Variants in SH3GL2 observed in about 807,000 individuals in gnomAD.
SH3GL2 encodes the protein SH3 domain containing GRB2 like 2, endophilin A1, also known as endophilin-A1.
Under a neutral mutation model 46.0 loss-of-function variants are expected in SH3GL2, and 24 were observed. That is an observed-to-expected ratio of 0.52 (90% CI 0.38 to 0.73). The LOEUF (loss-of-function observed/expected upper bound fraction) is 0.73, where lower values mean the gene tolerates loss of function less well. Ranked by LOEUF, SH3GL2 falls within the 30% of genes least tolerant of loss-of-function variation. The probability of loss-of-function intolerance (pLI) is 0.00; values close to 1 mark genes in which losing one functional copy is unlikely to be tolerated. For synonymous variants in SH3GL2, 196 were observed against 147.1 expected, an observed-to-expected ratio of 1.33 and a Z score of -2.40; for missense variants, 413 against 424.2, an observed-to-expected ratio of 0.97 and a Z score of 0.23.
intron 3 of SH3GL2, among the ~76,000 whole-genome samples, chr9:17,766,210 A>C (rs911853091): frequency 1.3e-5 from 2 of 152,224 alleles, no homozygotes; most frequent in African/African-American, 4.8e-5. Flanking sequence ...TGAGATGTGG[A>C]AGTGTGAGCG....
At chr9:17,587,855 A>T (rs1008180082) in intron 1 of SH3GL2, among the ~76,000 whole-genome samples, 1 of 152,096 alleles carries the variant, frequency 6.6e-6, no homozygotes, top group African/African-American at 2.4e-5. Flanking sequence ...ACTGCACTCC[A>T]GCCTGAGCAG....
At chr9:17,770,029 A>G (rs9406705) in intron 3 of SH3GL2, among the ~76,000 whole-genome samples, 4,199 of 152,234 alleles carry the variant, frequency 0.028, 196 homozygotes, top group African/African-American at 0.097. Flanking sequence ...TGTGAAGCAT[A>G]CATAAGCTCC....
chr9:17,786,351 T>C (rs1823956915), intron 3 of SH3GL2, 30 bp from the exon 4 acceptor site: 1 of 1,592,660 alleles, frequency 6.3e-7, no homozygotes. Context: ...CATTGCCTAC[T>C]CTGAAAGCTT....
intron 1 of SH3GL2, among the ~76,000 whole-genome samples, chr9:17,723,607 G>A (rs116352143): frequency 1.2e-3 from 185 of 152,136 alleles, no homozygotes; most frequent in African/African-American, 4.0e-3. Context: ...TGGAAAGGTC[G>A]GTTTCAGATA....
intron 1 of SH3GL2, among the ~76,000 whole-genome samples, chr9:17,720,272 T>C (rs962441726): frequency 1.3e-5 from 2 of 152,144 alleles, no homozygotes; most frequent in African/African-American, 4.8e-5. Context: ...GTTACTTTTC[T>C]AACATGCTTT....
rs1425060619 is a variant in SH3GL2 at position 17,645,973 on chromosome 9, A to T, written c.45+66686A>T. ...GTAATATCCTGAAATATGTCTTCCAACTTGGTTCCGTTTTCCCCATCACTT... is the reference window on the plus strand; with the variant it reads ...GTAATATCCTGAAATATGTCTTCCATCTTGGTTCCGTTTTCCCCATCACTT... On this transcript the variant is annotated intron_variant, in intron 1 of 8. Transcript: ENST00000380607. Among the ~76,000 whole-genome samples, 3 of 152,078 alleles carry T rather than the reference A, an allele frequency of 2.0e-5. No homozygotes were observed. The South Asian group carries it at 6.2e-4, about 31-fold the overall frequency.
intron 1 of SH3GL2, among the ~76,000 whole-genome samples, chr9:17,674,603 T>A (rs1820561749): frequency 6.6e-6 from 1 of 152,188 alleles, no homozygotes; most frequent in South Asian, 2.1e-4. Context: ...TGGAAAATCA[T>A]GGGCTCATGA....
At chr9:17,760,068 A>G (rs1823123530) in intron 2 of SH3GL2, among the ~76,000 whole-genome samples, 1 of 152,184 alleles carries the variant, frequency 6.6e-6, no homozygotes, top group African/African-American at 2.4e-5. Context: ...TGTGTACTGC[A>G]CAACTCCAGG....
intron 1 of SH3GL2, among the ~76,000 whole-genome samples, chr9:17,627,301 A>C (rs1819305381): frequency 6.6e-6 from 1 of 152,174 alleles, no homozygotes; most frequent in African/African-American, 2.4e-5. Context: ...CCTACAGCTC[A>C]TCTTCCTATG....
intron 1 of SH3GL2, among the ~76,000 whole-genome samples, chr9:17,739,883 C>T (rs1009041685): frequency 6.6e-6 from 1 of 152,034 alleles, no homozygotes; most frequent in South Asian, 2.1e-4. Context: ...CCCAGTGAAC[C>T]ACACCAGAAA....
In SH3GL2 at chr9:17,786,652, C is replaced by T. The variant is rs1029961189; in HGVS notation, c.331+128C>T. 4.7e-5 allele frequency: 40 copies of T among 845,486 alleles called. 1 individual carries two copies. The East Asian group carries it at 7.7e-4, about 16-fold the overall frequency. The allele number at this position is 845,486 out of a possible 1,614,324, so 52.4% of individuals were successfully genotyped here. A position where few individuals can be genotyped will look rare whatever the true frequency, so the allele number is the denominator to read the frequency against. ...GGTTTTCAGTTTTAGATCCTACACA[C>T]ATGGGCCAAAAATTTGTTTTCAGAA... On this transcript the variant is annotated intron_variant, in intron 4 of 8. Transcript: ENST00000380607.
chr9:17,680,211 C>T (rs1286919391), intron 1 of SH3GL2, among the ~76,000 whole-genome samples: 3 of 152,116 alleles, frequency 2.0e-5, no homozygotes, highest in African/African-American at 4.8e-5. Flanking sequence ...ATGGTACCAG[C>T]TCCTCTTTGT....
chr9:17,596,043 C>A, intron 1 of SH3GL2, among the ~76,000 whole-genome samples: 1 of 152,112 alleles, frequency 6.6e-6, no homozygotes, highest in East Asian at 1.9e-4. Context: ...CCCACTTTCT[C>A]AGGATAAGTT....
intron 3 of SH3GL2, among the ~76,000 whole-genome samples, chr9:17,764,382 A>G (rs1457986721): frequency 6.6e-6 from 1 of 152,188 alleles, no homozygotes; most frequent in Non-Finnish European, 1.5e-5. Flanking sequence ...TAAAGTTGAG[A>G]GTTAGGCAGA....
chr9:17,649,937 C>G (rs919169783), intron 1 of SH3GL2, among the ~76,000 whole-genome samples: 5 of 151,958 alleles, frequency 3.3e-5, no homozygotes, highest in Non-Finnish European at 7.4e-5. Context: ...GGTGTTCTAT[C>G]TAGAAAAAAA....
chr9:17,765,538 A>T (rs117005577), intron 3 of SH3GL2, among the ~76,000 whole-genome samples: 1,637 of 152,306 alleles, frequency 0.011, 18 homozygotes, highest in Middle Eastern at 0.027. Context: ...TGGTCATATT[A>T]TGTAAAACCC....
At chr9:17,619,835 G>A (rs12337388) in intron 1 of SH3GL2, among the ~76,000 whole-genome samples, 2 of 151,760 alleles carry the variant, frequency 1.3e-5, no homozygotes, top group Non-Finnish European at 2.9e-5. Context: ...TTTCTTTAGA[G>A]AATGTTTTAA....
At chr9:17,758,686 G>T (rs894583837) in intron 2 of SH3GL2, among the ~76,000 whole-genome samples, 1 of 148,038 alleles carries the variant, frequency 6.8e-6, no homozygotes, top group Non-Finnish European at 1.5e-5. Flanking sequence ...AAATGTAACT[G>T]TATTGAATAA....
chr9:17,715,596 G>A (rs370672800), intron 1 of SH3GL2, among the ~76,000 whole-genome samples: 20 of 151,820 alleles, frequency 1.3e-4, no homozygotes, highest in South Asian at 1.0e-3. Context: ...AAGACCTCCC[G>A]TGGTTAATAC....
Sources: gnomAD v4.1 joint callset for allele counts (sites outside exome capture counted in the v4.1 genomes callset) on GRCh38, gnomAD v4.1.1 for gene constraint, MANE v1.5 for transcripts, NCBI Gene and HGNC (gene_info 2026-07-23, HGNC 2026-07-21) for gene names.